The following SMYD3 variants were observed in gnomAD, a reference collection of about 807,000 sequenced individuals.
SMYD3 encodes the protein histone-lysine N-methyltransferase SMYD3.
SMYD3 carries 36 observed loss-of-function variants against 57.7 expected under a neutral mutation model. The observed-to-expected ratio is 0.62, with a 90% CI of 0.48 to 0.82. The LOEUF is 0.82. Among genes scored for constraint, SMYD3 ranks in the 40% least tolerant of loss-of-function variants. The pLI is 0.00. For missense variants in SMYD3, 515 were observed against 538.8 expected (o/e 0.96, Z 0.44); for synonymous variants, 211 against 195.0 (o/e 1.08, Z -0.68).
At chr1:246,183,233 A>C (rs1208016246) in intron 5 of SMYD3, among the ~76,000 whole-genome samples, 2 of 152,134 alleles carry the variant, frequency 1.3e-5, no homozygotes, top group African/African-American at 4.8e-5. Flanking sequence ...TAAACGAGGC[A>C]GTTTTCCAGA....
At chr1:246,448,212 G>A (rs1000392636) in intron 1 of SMYD3, among the ~76,000 whole-genome samples, 3 of 151,942 alleles carry the variant, frequency 2.0e-5, no homozygotes, top group African/African-American at 7.3e-5. Flanking sequence ...GCGAGACTCC[G>A]TCTCAAAAAA....
At chr1:245,826,353 A>C (rs1276934686) in intron 10 of SMYD3, among the ~76,000 whole-genome samples, 1 of 152,058 alleles carries the variant, frequency 6.6e-6, no homozygotes. Context: ...ATGTTGTAGC[A>C]TGTGACAGGA....
At chr1:246,413,282 G>A (rs554209997) in intron 1 of SMYD3, among the ~76,000 whole-genome samples, 2 of 152,236 alleles carry the variant, frequency 1.3e-5, no homozygotes, top group African/African-American at 4.8e-5. Flanking sequence ...ACAGTAAATA[G>A]TCCAGCTTAT....
intron 5 of SMYD3, among the ~76,000 whole-genome samples, chr1:246,118,027 A>G (rs1266451259): frequency 6.6e-6 from 1 of 152,194 alleles, no homozygotes; most frequent in Non-Finnish European, 1.5e-5. Flanking sequence ...ATGAACTTTT[A>G]AAGGTAAGGG....
intron 5 of SMYD3, chr1:246,034,545 A>G (rs1317726385): frequency 1.3e-5 from 2 of 152,270 alleles, no homozygotes; most frequent in Non-Finnish European, 2.9e-5. Context: ...GTTCACAGCT[A>G]GTTAAGACAG....
At chr1:245,998,219 A>T (rs986328678) in intron 5 of SMYD3, among the ~76,000 whole-genome samples, 1 of 152,144 alleles carries the variant, frequency 6.6e-6, no homozygotes, top group Non-Finnish European at 1.5e-5. Flanking sequence ...GTGGCACCCC[A>T]CTCATCTCTT....
intron 10 of SMYD3, among the ~76,000 whole-genome samples, chr1:245,843,540 ATG>A (rs10531765): frequency 0.015 from 2,258 of 149,626 alleles, 19 homozygotes; most frequent in African/African-American, 0.017. Context: ...GTATATATAT[ATG>A]TGTGTGTGTG....
intron 10 of SMYD3, among the ~76,000 whole-genome samples, chr1:245,839,841 A>G (rs1037645463): frequency 2.0e-5 from 3 of 152,172 alleles, no homozygotes; most frequent in African/African-American, 7.2e-5. Flanking sequence ...GAAAAAAAAA[A>G]CAATTTTTTA....
chr1:246,273,135 C>CTTTTTTTTTTTTTTTTTTTTTT (rs71299006), intron 5 of SMYD3, among the ~76,000 whole-genome samples: 1 of 107,608 alleles, frequency 9.3e-6, no homozygotes, highest in African/African-American at 3.7e-5. Context: ...TCCCTGTTTT[C>CTTTTTTTTTTTTTTTTTTTTTT]TTTTTTTTTT....
intron 8 of SMYD3, among the ~76,000 whole-genome samples, chr1:245,903,481 C>G (rs1280464081): frequency 6.6e-6 from 1 of 152,152 alleles, no homozygotes; most frequent in African/African-American, 2.4e-5. Context: ...ACCAAGTTAA[C>G]AACTATCCAC....
chr1:246,445,419 T>C (rs532136964), intron 1 of SMYD3, among the ~76,000 whole-genome samples: 10 of 152,276 alleles, frequency 6.6e-5, no homozygotes, highest in Non-Finnish European at 1.5e-4. Flanking sequence ...AAAATTGCCT[T>C]CCATGAATGT....
chr1:246,097,337 G>T lies in SMYD3; in HGVS notation c.532-167400C>A, dbSNP rs946383052. Among the ~76,000 whole-genome samples, 8 of 152,090 alleles carry T rather than the reference G, an allele frequency of 5.3e-5. No homozygotes were observed. The East Asian group carries it at 1.5e-3, about 29-fold the overall frequency. On this transcript the variant is annotated intron_variant, in intron 5 of 11. Coordinates refer to ENST00000490107, the MANE Select transcript of SMYD3 (RefSeq NM_001167740.2). Reference sequence around the variant, plus strand: ...TGCCTCACTCTGGGTGAATTCAACCGTCTGAAGGGATAGCAAAGTCAGAAG... The same window carrying T: ...TGCCTCACTCTGGGTGAATTCAACCTTCTGAAGGGATAGCAAAGTCAGAAG...
At chr1:246,205,114 G>T (rs965752606) in intron 5 of SMYD3, among the ~76,000 whole-genome samples, 1 of 152,170 alleles carries the variant, frequency 6.6e-6, no homozygotes, top group African/African-American at 2.4e-5. Flanking sequence ...CTCCAGAAGG[G>T]TGGAGTCTAT....
At chr1:246,196,792 C>G (rs1350727507) in intron 5 of SMYD3, among the ~76,000 whole-genome samples, 2 of 152,130 alleles carry the variant, frequency 1.3e-5, no homozygotes, top group African/African-American at 4.8e-5. Flanking sequence ...AAAGAAAACT[C>G]ATTAGCAATA....
intron 10 of SMYD3, among the ~76,000 whole-genome samples, chr1:245,848,396 C>T (rs535730551): frequency 1.3e-5 from 2 of 151,564 alleles, no homozygotes; most frequent in African/African-American, 2.4e-5. Context: ...CTAAGGCCTA[C>T]AGGCATGAGC....
At chr1:246,116,120 A>T (rs2061338484) in intron 5 of SMYD3, among the ~76,000 whole-genome samples, 1 of 151,602 alleles carries the variant, frequency 6.6e-6, no homozygotes, top group Non-Finnish European at 1.5e-5. Context: ...AGCCTGGGCG[A>T]CAAGGGCGAA....
At chr1:245,842,589 G>A (rs2050459017) in intron 10 of SMYD3, among the ~76,000 whole-genome samples, 1 of 152,100 alleles carries the variant, frequency 6.6e-6, no homozygotes, top group East Asian at 1.9e-4. Context: ...TGCTAACAGG[G>A]GAATTAATGA....
chr1:245,999,400 T>C (rs2058994385), intron 5 of SMYD3, among the ~76,000 whole-genome samples: 1 of 152,164 alleles, frequency 6.6e-6, no homozygotes, highest in Admixed American at 6.5e-5. Context: ...TGGGAACCCC[T>C]TGATGTAGGT....
chr1:245,873,054 C>G (rs141777784), intron 8 of SMYD3, among the ~76,000 whole-genome samples: 2 of 152,188 alleles, frequency 1.3e-5, no homozygotes, highest in African/African-American at 2.4e-5. Context: ...AGCATCTACA[C>G]GTTGAGGGCA....
Sources: allele counts gnomAD v4.1 joint callset (sites outside exome capture counted in the v4.1 genomes callset), GRCh38; gene constraint gnomAD v4.1.1; transcripts MANE v1.5; gene names NCBI Gene and HGNC (gene_info 2026-07-23, HGNC 2026-07-21).